The following KCNMA1 variants were observed in gnomAD, a reference collection of about 807,000 sequenced individuals.
KCNMA1 encodes Calcium-activated potassium channel subunit alpha-1.
KCNMA1 carries 29 observed loss-of-function variants against 140.0 expected under a neutral mutation model. That is an observed-to-expected ratio of 0.21 (90% CI 0.15 to 0.28). The LOEUF (loss-of-function observed/expected upper bound fraction) is 0.28. Among genes scored for constraint, KCNMA1 ranks in the 10% least tolerant of loss-of-function variants. The probability of loss-of-function intolerance (pLI) is 1.00; values close to 1 mark genes in which losing one functional copy is unlikely to be tolerated. For synonymous variants in KCNMA1, 612 were observed against 611.9 expected (o/e 1.00, Z 0.00); for missense variants, 880 against 1,602.2 (o/e 0.55, Z 7.70).
At chr10:77,084,534 C>A in intron 12 of KCNMA1, 103 bp downstream of exon 12, 3 of 886,026 alleles carry the variant, frequency 3.4e-6, no homozygotes, top group Non-Finnish European at 5.5e-6. Context: ...GCTTGTGGGG[C>A]AAAAAGGCCT....
chr10:77,510,592 A>G (rs2154548348), intron 1 of KCNMA1, among the ~76,000 whole-genome samples: 1 of 152,142 alleles, frequency 6.6e-6, no homozygotes, highest in Non-Finnish European at 1.5e-5. Flanking sequence ...GTCTGTAACC[A>G]AGAAACCTAT....
rs540998856 is a variant in KCNMA1 at position 77,481,570 on chromosome 10, C to T, written c.379-77547G>A. Among the ~76,000 whole-genome samples the T allele has an allele frequency of 5.3e-5, 8 of 152,032 alleles. 1 individual carries two copies. Among genetic ancestry groups the T allele is most frequent in the African/African-American group, 1.7e-4 (7 of 41,474 alleles). On this transcript the variant is annotated intron_variant, in intron 1 of 27. Coordinates refer to ENST00000286628, the MANE Select transcript of KCNMA1 (RefSeq NM_001161352.2). ...CGGGCGGATCACAAGGTCAGGAGATCGAGACCATCCTGGTGAACACAGTGA... is the reference window on the plus strand; with the variant it reads ...CGGGCGGATCACAAGGTCAGGAGATTGAGACCATCCTGGTGAACACAGTGA...
chr10:77,516,710 T>C (rs920423974), intron 1 of KCNMA1, among the ~76,000 whole-genome samples: 130 of 152,364 alleles, frequency 8.5e-4, no homozygotes, highest in African/African-American at 3.0e-3. Flanking sequence ...CCACTTCTCA[T>C]GCCTCATCAT....
At chr10:77,117,561 A>AAAAAAAAAAAAAAAAAAAG (rs1554837398) in intron 6 of KCNMA1, among the ~76,000 whole-genome samples, 2 of 147,552 alleles carry the variant, frequency 1.4e-5, no homozygotes, top group African/African-American at 5.2e-5. Flanking sequence ...AAAAAAAAAA[A>AAAAAAAAAAAAAAAAAAAG]AAAAGAAAAG....
At chr10:77,449,035 C>T (rs542972729) in intron 1 of KCNMA1, among the ~76,000 whole-genome samples, 2 of 149,908 alleles carry the variant, frequency 1.3e-5, no homozygotes, top group South Asian at 2.1e-4. Context: ...TGCAGTGAGC[C>T]GAGATCGCAT....
chr10:77,282,862 C>G (rs889987892), intron 2 of KCNMA1, among the ~76,000 whole-genome samples: 1 of 152,176 alleles, frequency 6.6e-6, no homozygotes, highest in Non-Finnish European at 1.5e-5. Context: ...ACAATCAAAA[C>G]AGAATTTCTT....
At chr10:77,501,454 C>T (rs2043846515) in intron 1 of KCNMA1, among the ~76,000 whole-genome samples, 1 of 152,194 alleles carries the variant, frequency 6.6e-6, no homozygotes, top group Non-Finnish European at 1.5e-5. Flanking sequence ...GGATGGATGC[C>T]ACCTCATGGC....
At chr10:77,114,396 C>T (rs1043520716) in intron 6 of KCNMA1, among the ~76,000 whole-genome samples, 4 of 152,214 alleles carry the variant, frequency 2.6e-5, no homozygotes, top group African/African-American at 4.8e-5. Flanking sequence ...TATACCTGAA[C>T]GCTGCTGTCA....
intron 19 of KCNMA1, among the ~76,000 whole-genome samples, chr10:76,986,973 T>C (rs1305773351): frequency 6.6e-6 from 1 of 152,054 alleles, no homozygotes; most frequent in Admixed American, 6.5e-5. Context: ...GTCAAAGGAA[T>C]TGGCTGTTGG....
intron 1 of KCNMA1, among the ~76,000 whole-genome samples, chr10:77,464,127 G>T (rs115368532): frequency 1.2e-3 from 176 of 152,312 alleles, no homozygotes; most frequent in African/African-American, 4.1e-3. Context: ...TCCTGGTCCA[G>T]CTATTGCTAT....
intron 19 of KCNMA1, chr10:76,980,223 C>T (rs1157077159): frequency 1.3e-5 from 2 of 152,344 alleles, no homozygotes; most frequent in Non-Finnish European, 2.9e-5. Context: ...ACCCAGGACC[C>T]AGGTCGGCTG....
At chr10:77,030,483 T>G (rs1312916953) in intron 15 of KCNMA1, among the ~76,000 whole-genome samples, 2 of 152,204 alleles carry the variant, frequency 1.3e-5, no homozygotes, top group Non-Finnish European at 2.9e-5. Context: ...AGGCTGATCT[T>G]AAACTTAGTA....
At chr10:77,550,274 T>TC (rs2062453078) in intron 1 of KCNMA1, among the ~76,000 whole-genome samples, 1 of 152,134 alleles carries the variant, frequency 6.6e-6, no homozygotes, top group Non-Finnish European at 1.5e-5. Flanking sequence ...CCCTAGGAAC[T>TC]CCCATCTGAT....
At chr10:77,328,875 C>T (rs2085230338) in intron 2 of KCNMA1, among the ~76,000 whole-genome samples, 1 of 152,098 alleles carries the variant, frequency 6.6e-6, no homozygotes. Flanking sequence ...GAGTCTTGCA[C>T]TGTCACCCAG....
chr10:76,966,333 G>A (rs1036991277), intron 20 of KCNMA1, among the ~76,000 whole-genome samples: 2 of 152,218 alleles, frequency 1.3e-5, no homozygotes, highest in African/African-American at 4.8e-5. Flanking sequence ...AAAAGCATTT[G>A]TACGTGCAAC....
intron 2 of KCNMA1, among the ~76,000 whole-genome samples, chr10:77,296,071 A>T (rs1034552555): frequency 2.0e-5 from 3 of 152,176 alleles, no homozygotes; most frequent in Non-Finnish European, 4.4e-5. Context: ...TCTTAATCCC[A>T]AGAACCCATG....
intron 1 of KCNMA1, among the ~76,000 whole-genome samples, chr10:77,510,485 C>G (rs2047964364): frequency 6.6e-6 from 1 of 152,150 alleles, no homozygotes. Context: ...CTGTTCTCTT[C>G]TCCTCAAACA....
intron 2 of KCNMA1, among the ~76,000 whole-genome samples, chr10:77,312,264 C>T (rs1006159218): frequency 2.6e-5 from 4 of 152,072 alleles, no homozygotes; most frequent in Admixed American, 6.5e-5. Context: ...GGCTGATTGA[C>T]CAAAAGTGGA....
At position 76,934,233 on chromosome 10, in the gene KCNMA1, G is replaced by A. The variant is rs183251093; in HGVS notation, c.2902+10540C>T. Among the ~76,000 whole-genome samples the A allele has an allele frequency of 8.6e-3, 1,304 of 152,276 alleles. 21 individuals are homozygous for A. The highest frequency in any genetic ancestry group is 0.03 in the African/African-American group (1,256 of 41,554). On this transcript the variant is annotated intron_variant, in intron 23 of 27. Transcript: ENST00000286628. ...GTGATCCACCTGCTTCGGCCCCCCA[G>A]TGTGCTGGGATTACAGGCATGAGCC...
Sources: gnomAD v4.1 joint callset for allele counts (sites outside exome capture counted in the v4.1 genomes callset) on GRCh38, gnomAD v4.1.1 for gene constraint, MANE v1.5 for transcripts, NCBI Gene and HGNC (gene_info 2026-07-23, HGNC 2026-07-21) for gene names.